CEACAM16: variants seen among roughly 807,000 people sequenced by gnomAD.
CEACAM16 encodes the protein CEA cell adhesion molecule 16, tectorial membrane component, also known as cell adhesion molecule CEACAM16.
A neutral mutation model predicts 39.4 loss-of-function variants in CEACAM16; 30 were observed. That is an observed-to-expected ratio of 0.76 (90% CI 0.57 to 1.03). The LOEUF is 1.03. CEACAM16 is among the 50% of genes least tolerant of loss of function. The pLI, the probability that CEACAM16 is intolerant of heterozygous loss-of-function variation, is 0.00. For synonymous variants in CEACAM16, 262 were observed against 264.9 expected (o/e 0.99, Z 0.11); for missense variants, 521 against 585.3 (o/e 0.89, Z 1.13).
intron 3 of CEACAM16, 128 bp downstream of exon 3, chr19:44,703,821 T>A: frequency 9.7e-7 from 1 of 1,030,332 alleles, no homozygotes; most frequent in Non-Finnish European, 1.4e-6. Context: ...AATAAGTTTC[T>A]AAAATAACCT....
At position 44,708,004 on chromosome 19, in the gene CEACAM16, C is replaced by T; in HGVS notation, c.1084C>T (p.Leu362Phe). 2 of 1,609,732 alleles carry T rather than the reference C, an allele frequency of 1.2e-6. No homozygotes were observed. The highest frequency in any genetic ancestry group is 1.7e-6 in the Non-Finnish European group (2 of 1,178,556). ...RGPASEPNRLLSQLPSGTWIA... is the reference protein window; with the variant it reads ...RGPASEPNRLFSQLPSGTWIA... The stretch of plus-strand genomic sequence containing the variant: ...GCCTGCCTCCGAGCCCAACCGGCTG[C>T]TCAGCCAGCTGCCGTCAGGAACCTG... The change falls in exon 6 of 7, where the codon CTC becomes TTC. Residue 362 changes from leucine (L) to phenylalanine (F), a missense_variant. Physicochemically the swap from Leu to Phe is conservative, Grantham distance 22. Transcript: ENST00000587331.
At chr19:44,705,985 T>G in intron 5 of CEACAM16, 117 bp downstream of exon 5, 1 of 1,228,388 alleles carries the variant, frequency 8.1e-7, no homozygotes, top group Non-Finnish European at 1.1e-6. Flanking sequence ...CACAGTTCAT[T>G]CATGAGCTGT....
Position 44,703,624 on chromosome 19 carries a change from A to G in CEACAM16, c.313A>G (p.Thr105Ala), listed in dbSNP as rs1352228602. The G allele has an allele frequency of 6.2e-7, 1 of 1,607,046 alleles. No individual in the cohort carries two copies. Among genetic ancestry groups the G allele is most frequent in the African/African-American group, 1.3e-5 (1 of 74,770 alleles). Residue 105 changes from threonine to alanine, a missense_variant, in exon 3 of 7, where the codon ACC becomes GCC. Thr to Ala is a moderately conservative substitution (Grantham distance 58). Transcript: ENST00000587331. ...IQGILPRHSGTYILQTFNRQL... is the reference protein window; with the variant it reads ...IQGILPRHSGAYILQTFNRQL... ...GGGCATCCTGCCCCGGCACTCAGGC[A>G]CCTACATCCTGCAGACCTTCAACAG...
chr19:44,704,327 C>T (rs1242509819), intron 4 of CEACAM16, 31 bp downstream of exon 4: 2 of 1,466,590 alleles, frequency 1.4e-6, no homozygotes, highest in African/African-American at 2.8e-5. Context: ...TGGAGATACC[C>T]AGTGTCCAAA....
In CEACAM16 at chr19:44,704,011, C is replaced by T. The variant is rs1974397095; in HGVS notation, c.383-7C>T. The T allele has an allele frequency of 1.3e-6, 2 of 1,585,490 alleles. No homozygotes were observed. Among genetic ancestry groups the T allele is most frequent in the Non-Finnish European group, 8.6e-7 (1 of 1,161,334 alleles). ...GCCCCCTCCCCCTCTGTCTCTTGCC[C>T]CCACAGAGATCCTGGCCCAGCCCAC... On this transcript the variant is annotated splice_region_variant and splice_polypyrimidine_tract_variant and intron_variant, in intron 3 of 6. Transcript: ENST00000587331.
In CEACAM16 at chr19:44,705,771, C is replaced by T. The variant is rs745709578; in HGVS notation, c.843C>T (p.Ser281=). The part of the protein sequence containing the change: ...LKNGQDHLNI[S]SMTAAQEGTY... Reference sequence around the variant, plus strand: ...ACGGCCAAGACCACCTCAACATCAGCAGCATGACAGCCGCCCAGGAGGGGA... The same window carrying T: ...ACGGCCAAGACCACCTCAACATCAGTAGCATGACAGCCGCCCAGGAGGGGA... Residue 281 remains serine, a synonymous_variant, in exon 5 of 7, where the codon AGC becomes AGT. Transcript: ENST00000587331. The T allele has an allele frequency of 1.9e-6, 3 of 1,614,044 alleles. No homozygotes were observed. The highest frequency in any genetic ancestry group is 2.2e-5 in the East Asian group (1 of 44,886).
rs1426778508 is a variant in CEACAM16, at chr19:44,705,584, C to T, written c.662-6C>T. On this transcript the variant is annotated splice_polypyrimidine_tract_variant and splice_region_variant and intron_variant, in intron 4 of 6. Coordinates refer to ENST00000587331, the MANE Select transcript of CEACAM16 (RefSeq NM_001039213.4). ...TGCCCCATCTATCTCCCTCCTGCCC[C>T]CACAGTTGGCCCAGAGCGTGTGGCC... The T allele has an allele frequency of 6.3e-7, 1 of 1,589,604 alleles. No individual in the cohort carries two copies. The highest frequency in any genetic ancestry group is 8.6e-7 in the Non-Finnish European group (1 of 1,162,784).
rs934168580 is a variant in CEACAM16 at position 44,703,302 on chromosome 19, A to T, written c.38-47A>T. 2.6e-6 allele frequency: 4 copies of T among 1,533,696 alleles called. No individual in the cohort carries two copies. The African/African-American group carries it at 5.4e-5, about 21-fold the overall frequency. On this transcript the variant is annotated intron_variant, in intron 2 of 6. Transcript: ENST00000587331. ...GTCTCTTCTTCTGTCAAATGGGGCG[A>T]TTGATCAAACCTGCCTCATCCAACC...
In CEACAM16 at chr19:44,707,869, G is replaced by T. The variant is rs543748079; in HGVS notation, c.949G>T (p.Val317Phe). 5 of 1,543,350 alleles carry T rather than the reference G, an allele frequency of 3.2e-6. No homozygotes were observed. In the East Asian group the frequency reaches 1.2e-4, roughly 36 times the overall value. Residue 317 changes from valine to phenylalanine, a missense_variant, in exon 6 of 7, where the codon GTT (valine) becomes TTT (phenylalanine). Physicochemically the swap from Val to Phe is conservative, Grantham distance 50. Coordinates refer to ENST00000587331, the MANE Select transcript of CEACAM16 (RefSeq NM_001039213.4). ...GCTCGCTCTCTCCCCAGCTGCAGCAGTTGCCACGATGATCGTGCCCGTGCC... is the reference window on the plus strand; with the variant it reads ...GCTCGCTCTCTCCCCAGCTGCAGCATTTGCCACGATGATCGTGCCCGTGCC... ...SVVVKLSAAAVATMIVPVPTK... is the reference protein window; with the variant it reads ...SVVVKLSAAAFATMIVPVPTK...
chr19:44,703,918 G>A (rs888791396), intron 3 of CEACAM16, 100 bp from the exon 4 acceptor site: 1 of 1,358,822 alleles, frequency 7.4e-7, no homozygotes, highest in Non-Finnish European at 9.9e-7. Flanking sequence ...AGGGTGTGGG[G>A]GCCCAGCCAC....
chr19:44,700,444 A>G lies in CEACAM16; in HGVS notation c.-96-917A>G, dbSNP rs528515743. ...CCTGCCACCACGCCTGGCTATTTTT[A>G]TTATTATTATTTTTAGTAGAGATGG... On this transcript the variant is annotated intron_variant, in intron 1 of 6. Transcript: ENST00000587331. Among the ~76,000 whole-genome samples, 56 of 151,018 alleles carry G rather than the reference A, an allele frequency of 3.7e-4. 1 individual carries two copies. The highest frequency in any genetic ancestry group is 1.3e-3 in the African/African-American group (54 of 40,958).
chr19:44,704,250 C>T lies in CEACAM16; in HGVS notation c.615C>T (p.Asn205=). The T allele has an allele frequency of 6.5e-7, 1 of 1,541,758 alleles. No individual in the cohort carries two copies. The highest frequency in any genetic ancestry group is 1.2e-5 in the South Asian group (1 of 83,718). ...GCGCCTATCAGTGTGAGGTGTGGAA[C>T]CCGGTCAGTGTCAGCCGCAGCGAGC... The part of the protein sequence containing the change: ...EAGAYQCEVW[N]PVSVSRSEPI... The change falls in exon 4 of 7, where the codon AAC becomes AAT. Residue 205 remains asparagine (N), a synonymous_variant. Coordinates refer to ENST00000587331, the MANE Select transcript of CEACAM16 (RefSeq NM_001039213.4).
At chr19:44,707,778 G>C in intron 5 of CEACAM16, 83 bp from the exon 6 acceptor site, 1 of 1,254,710 alleles carries the variant, frequency 8.0e-7, no homozygotes, top group Non-Finnish European at 1.1e-6. Flanking sequence ...CCAGCCAGCT[G>C]GGGGGAGGCC....
intron 2 of CEACAM16, among the ~76,000 whole-genome samples, 181 bp from the exon 3 acceptor site, chr19:44,703,168 A>G (rs1974376510): frequency 6.6e-6 from 1 of 152,220 alleles, no homozygotes; most frequent in African/African-American, 2.4e-5. Flanking sequence ...ACTCCCAGAA[A>G]GATTAGGTGG....
In CEACAM16 at chr19:44,710,510, C is replaced by T. The variant is rs199656542; in HGVS notation, c.*4C>T. On this transcript the variant is annotated 3_prime_UTR_variant, in exon 7 of 7. Coordinates refer to ENST00000587331, the MANE Select transcript of CEACAM16 (RefSeq NM_001039213.4). ...ATGCCCCACAGCCCTGGGGTAACAG[C>T]GTGACCCTGGAGACGTCCAGAGAGA... 4.5e-4 allele frequency: 725 copies of T among 1,613,614 alleles called. No individual in the cohort carries two copies. The highest frequency in any genetic ancestry group is 5.8e-4 in the Non-Finnish European group (683 of 1,179,694).
In CEACAM16 at chr19:44,701,391, CAGGA is replaced by C; in HGVS notation, c.-62_-59del. 6.6e-7 allele frequency: 1 copy of C among 1,526,310 alleles called. No homozygotes were observed. The highest frequency in any genetic ancestry group is 8.9e-7 in the Non-Finnish European group (1 of 1,123,728). 94.5% of individuals were successfully genotyped at this position (1,526,310 alleles called of 1,614,324 possible). A position where few individuals can be genotyped will look rare whatever the true frequency, so the allele number is the denominator to read the frequency against. On this transcript the variant is annotated 5_prime_UTR_variant, in exon 2 of 7. It removes the in-frame stop codon of an upstream open reading frame in the 5' UTR. Transcript: ENST00000587331. The surrounding 1 kb of genome is among the most constrained non-coding windows in gnomAD (Gnocchi z 4.0). ...GCGGCAGACGGAGCCGAGCCCCAACCAGGAAGGGAGTCCGAGCACTGGGACTTCA... is the reference window on the plus strand; with the variant it reads ...GCGGCAGACGGAGCCGAGCCCCAACCAGGGAGTCCGAGCACTGGGACTTCA...
At chr19:44,703,229 C>A in intron 2 of CEACAM16, 120 bp from the exon 3 acceptor site, 1 of 842,788 alleles carries the variant, frequency 1.2e-6, no homozygotes, top group Non-Finnish European at 1.8e-6. Flanking sequence ...TTTTGCCTGT[C>A]CTCATTTACA....
chr19:44,708,291 G>A, intron 6 of CEACAM16, 104 bp downstream of exon 6: 1 of 1,167,568 alleles, frequency 8.6e-7, no homozygotes, highest in South Asian at 1.7e-5. Context: ...ACCAAAGATG[G>A]ATACCCATCC....
intron 2 of CEACAM16, among the ~76,000 whole-genome samples, chr19:44,702,778 C>T (rs1288531054): frequency 6.6e-6 from 1 of 152,248 alleles, no homozygotes; most frequent in Non-Finnish European, 1.5e-5. Context: ...GATACGCAGC[C>T]GGATCTCGCG....
Sources: gnomAD v4.1 joint callset for allele counts (sites outside exome capture counted in the v4.1 genomes callset) on GRCh38, gnomAD v4.1.1 for gene constraint, Gnocchi (gnomAD v3.1) non-coding constraint, MANE v1.5 for transcripts, NCBI Gene and HGNC (gene_info 2026-07-23, HGNC 2026-07-21) for gene names.